Variants in FAT1 observed in about 807,000 individuals in gnomAD.
FAT1 encodes FAT atypical cadherin 1.
FAT1 carries 171 observed loss-of-function variants against 329.8 expected under a neutral mutation model. The observed-to-expected ratio is 0.52, with a 90% CI of 0.46 to 0.59. FAT1 has a LOEUF of 0.59. Ranked by LOEUF, FAT1 falls within the 20% of genes least tolerant of loss-of-function variation. FAT1 has a pLI of 0.00. For synonymous variants in FAT1, 2,233 were observed against 2,228.6 expected, an observed-to-expected ratio of 1.00 and a Z score of -0.06; for missense variants, 5,672 against 5,774.4, an observed-to-expected ratio of 0.98 and a Z score of 0.57.
At chr4:186,645,966 TATACACACACACACAC>T (rs1741361175) in intron 3 of FAT1, among the ~76,000 whole-genome samples, 4 of 80,532 alleles carry the variant, frequency 5.0e-5, no homozygotes, top group African/African-American at 2.3e-4. Flanking sequence ...AAAAAAAATA[TATACACACACACACAC>T]ACACACACAC....
At chr4:186,692,931 C>A (rs889722193) in intron 2 of FAT1, among the ~76,000 whole-genome samples, 1 of 152,162 alleles carries the variant, frequency 6.6e-6, no homozygotes, top group Admixed American at 6.5e-5. Flanking sequence ...TTTAGAAACA[C>A]GATAACTGGA....
chr4:186,650,815 G>C (rs2126593891), intron 3 of FAT1, among the ~76,000 whole-genome samples: 1 of 152,130 alleles, frequency 6.6e-6, no homozygotes, highest in East Asian at 1.9e-4. Context: ...ACAAATCTTG[G>C]GCTCCTAAAA....
At chr4:186,650,537 T>A (rs1741589137) in intron 3 of FAT1, among the ~76,000 whole-genome samples, 1 of 152,170 alleles carries the variant, frequency 6.6e-6, no homozygotes, top group African/African-American at 2.4e-5. Flanking sequence ...GGCCTCAGGG[T>A]ACAATAAGTT....
At position 186,620,011 on chromosome 4, in the gene FAT1, G is replaced by A. The variant is rs1739951645; in HGVS notation, c.6575C>T (p.Ala2192Val). The A allele has an allele frequency of 6.2e-7, 1 of 1,614,004 alleles. No individual in the cohort carries two copies. Among genetic ancestry groups the A allele is most frequent in the Non-Finnish European group, 8.5e-7 (1 of 1,179,892 alleles). The change falls in exon 10 of 27, where the codon GCA becomes GTA. Residue 2192 changes from alanine to valine, a missense_variant. By Grantham distance (64) the Ala-to-Val change is moderately conservative. Coordinates refer to ENST00000441802, the MANE Select transcript of FAT1 (RefSeq NM_005245.4). ...FEKPFYSAEI[A>V]ESIQVHSPVV... ...AGGGCTGTGCACCTGGATGCTCTCT[G>A]CAATCTCTGCACTGTAGAAAGGTTT...
rs183715661 is a variant in FAT1 at position 186,602,991 on chromosome 4, C to A, written c.11394G>T (p.Pro3798=). Residue 3798 remains proline, a synonymous_variant, in exon 20 of 27, where the codon CCG becomes CCT. Transcript: ENST00000441802. ...PPVHHGCEDD[P]CPEGSECVSD... The stretch of plus-strand genomic sequence containing the variant: ...ACACACATTCGGATCCCTCAGGGCA[C>A]GGATCATCTTCACAGCCATGGTGGA... The A allele has an allele frequency of 4.3e-6, 7 of 1,613,912 alleles. No homozygotes were observed. The highest frequency in any genetic ancestry group is 1.1e-5 in the South Asian group (1 of 91,076).
At position 186,596,908 on chromosome 4, in the gene FAT1, T is replaced by C. The variant is rs2126391907; in HGVS notation, c.12632A>G (p.Lys4211Arg). 6.2e-7 allele frequency: 1 copy of C among 1,614,042 alleles called. No individual in the cohort carries two copies. The highest frequency in any genetic ancestry group is 8.5e-7 in the Non-Finnish European group (1 of 1,179,902). The change falls in exon 25 of 27, where the codon AAG becomes AGG. Residue 4211 changes from lysine (K) to arginine (R), a missense_variant. Around this residue, in one of 2 missense-constraint regions of FAT1, gnomAD observed 1,706 missense variants for 1,859.1 expected, o/e 0.92. Transcript: ENST00000441802. The surrounding 1 kb of genome is among the most constrained non-coding windows in gnomAD (Gnocchi z 4.7). ...CTTGTCTTTAGGTTCAGCCTGATGC[T>C]TCTTTTTCCGACTAATCATCTTACG... ...LCRKMISRKK[K>R]HQAEPKDKHL...
intron 15 of FAT1, 53 bp from the exon 16 acceptor site, chr4:186,609,373 T>C: frequency 6.4e-7 from 1 of 1,557,784 alleles, no homozygotes; most frequent in Non-Finnish European, 8.7e-7. Context: ...GGCCTAAACC[T>C]ATTACACAAA....
Position 186,619,655 on chromosome 4 carries a change from C to G in FAT1, c.6931G>C (p.Asp2311His), listed in dbSNP as rs955617025. Residue 2311 changes from aspartate (D) to histidine (H), a missense_variant, in exon 10 of 27, where the codon GAT becomes CAT. Coordinates refer to ENST00000441802, the MANE Select transcript of FAT1 (RefSeq NM_005245.4). ...SVVQVRATDSDSEPNRGISYQ... is the reference protein window; with the variant it reads ...SVVQVRATDSHSEPNRGISYQ... ...GAGATTCCTCTATTTGGTTCTGAAT[C>G]AGAATCGGTGGCTCTAACTTGAACA... The G allele has an allele frequency of 6.2e-7, 1 of 1,613,970 alleles. No individual in the cohort carries two copies. The highest frequency in any genetic ancestry group is 8.5e-7 in the Non-Finnish European group (1 of 1,179,900).
chr4:186,695,310 A>G (rs1490448723), intron 2 of FAT1, among the ~76,000 whole-genome samples: 1 of 152,200 alleles, frequency 6.6e-6, no homozygotes, highest in African/African-American at 2.4e-5. Flanking sequence ...AGGTATATTC[A>G]CCTGGAAGGC....
chr4:186,610,131 T>A, intron 14 of FAT1, 116 bp from the exon 15 acceptor site: 1 of 631,540 alleles, frequency 1.6e-6, no homozygotes, highest in Non-Finnish European at 2.7e-6. Context: ...AAAGTTTACT[T>A]ACCATTTACG....
rs2126695112 is a variant in FAT1, at chr4:186,708,264, A to G, written c.1564T>C (p.Ser522Pro). 1 of 1,613,992 alleles carries G rather than the reference A, an allele frequency of 6.2e-7. No homozygotes were observed. Among genetic ancestry groups the G allele is most frequent in the Non-Finnish European group, 8.5e-7 (1 of 1,179,892 alleles). ...IDHFTGAVST[S>P]ENLDYELMPR... ...ATCAGTTCGTAGTCCAGGTTTTCTG[A>G]CGTACTCACGGCACCAGTGAAATGG... is the stretch of plus-strand genomic sequence containing the variant. Residue 522 changes from serine to proline, a missense_variant, in exon 2 of 27, where the codon TCA becomes CCA. Transcript: ENST00000441802.
Position 186,604,258 on chromosome 4 carries a change from A to G in FAT1, c.10548+119T>C, listed in dbSNP as rs112648446. ...AGGTATGGCAAAAAACAAAGACAGC[A>G]ATTCTATGAAAGTTTGTTTTTGTAT... On this transcript the variant is annotated intron_variant, in intron 18 of 26. Coordinates refer to ENST00000441802, the MANE Select transcript of FAT1 (RefSeq NM_005245.4). The G allele has an allele frequency of 3.6e-3, 3,025 of 851,952 alleles. 66 individuals carry two copies. In the African/African-American group the frequency reaches 0.047, roughly 13 times the overall value. 52.8% of individuals were successfully genotyped at this position (851,952 alleles called of 1,614,324 possible). A position where few individuals can be genotyped will look rare whatever the true frequency, so the allele number is the denominator to read the frequency against.
At chr4:186,683,587 A>C (rs1245958150) in intron 2 of FAT1, among the ~76,000 whole-genome samples, 1 of 152,126 alleles carries the variant, frequency 6.6e-6, no homozygotes, top group Non-Finnish European at 1.5e-5. Flanking sequence ...GATTTCTCCA[A>C]AGCCTTTTTC....
In FAT1 at chr4:186,599,905, A is replaced by G. The variant is rs373623455; in HGVS notation, c.12096T>C (p.Pro4032=). Residue 4032 remains proline, a synonymous_variant, in exon 22 of 27, where the codon CCT becomes CCC. Coordinates refer to ENST00000441802, the MANE Select transcript of FAT1 (RefSeq NM_005245.4). ...CQNGGVCNPS[P]AGGYYCKCSA... is the part of the protein sequence containing the mutation. ...CAACATTACGGAGCCCACCTCCAGC[A>G]GGTGACGGATTGCAAACGCCTCCAT... The G allele has an allele frequency of 1.6e-5, 26 of 1,608,892 alleles. No homozygotes were observed. The highest frequency in any genetic ancestry group is 5.0e-5 in the Admixed American group (3 of 59,762).
intron 3 of FAT1, among the ~76,000 whole-genome samples, chr4:186,662,233 C>T (rs922471752): frequency 2.6e-5 from 4 of 152,342 alleles, no homozygotes; most frequent in Admixed American, 2.6e-4. Context: ...AATTCATCCT[C>T]ACAATTCTTA....
Position 186,708,058 on chromosome 4 carries a change from A to G in FAT1, c.1770T>C (p.Thr590=), listed in dbSNP as rs545234063. 1.6e-5 allele frequency: 26 copies of G among 1,614,010 alleles called. No homozygotes were observed. In the South Asian group the frequency reaches 2.7e-4, roughly 17 times the overall value. The change falls in exon 2 of 27, where the codon ACT becomes ACC. Residue 590 remains threonine, a synonymous_variant. Transcript: ENST00000441802. The stretch of plus-strand genomic sequence containing the variant: ...GTTCATCTGCATCAATAGCAGAAAC[A>G]GTGGTTATTTGCTCTCCCACGCCTA... ...RDLGVGEQIT[T]VSAIDADELQ... is the part of the protein sequence containing the mutation.
chr4:186,725,663 G>A (rs1454332814), upstream of FAT1, among the ~76,000 whole-genome samples: 1 of 152,070 alleles, frequency 6.6e-6, no homozygotes, highest in Non-Finnish European at 1.5e-5. The surrounding 1 kb of genome is among the most constrained non-coding windows in gnomAD (Gnocchi z 5.4). Flanking sequence ...AAATGGACAT[G>A]CCTATTAGCT....
intron 26 of FAT1, among the ~76,000 whole-genome samples, chr4:186,594,834 T>C (rs1738425902): frequency 6.6e-6 from 1 of 151,258 alleles, no homozygotes; most frequent in South Asian, 2.1e-4. Context: ...TGAATAATTA[T>C]TAGTGGGGTT....
intron 2 of FAT1, among the ~76,000 whole-genome samples, chr4:186,684,244 CTTG>C (rs1204789592): frequency 6.6e-6 from 1 of 152,164 alleles, no homozygotes; most frequent in Admixed American, 6.6e-5. Flanking sequence ...ACTACATTCT[CTTG>C]TTGTTTAATC....
Sources: allele counts gnomAD v4.1 joint callset (sites outside exome capture counted in the v4.1 genomes callset), GRCh38; gene constraint gnomAD v4.1.1; regional missense constraint gnomAD v4.1.1; non-coding constraint Gnocchi (gnomAD v3.1); transcripts MANE v1.5; gene names NCBI Gene and HGNC (gene_info 2026-07-23, HGNC 2026-07-21).